Variants in ZPLD1 observed in about 807,000 individuals in gnomAD.
ZPLD1 encodes the protein zona pellucida like domain containing 1.
In ZPLD1, 34 loss-of-function variants were observed where a neutral mutation model predicts 47.2. The observed-to-expected ratio is 0.72, with a 90% CI of 0.55 to 0.96. The LOEUF (loss-of-function observed/expected upper bound fraction) is 0.96, where lower values mean the gene tolerates loss of function less well. ZPLD1 is among the 40% of genes least tolerant of loss of function. The pLI, the probability that ZPLD1 is intolerant of heterozygous loss-of-function variation, is 0.00. For synonymous variants in ZPLD1, 176 were observed against 186.2 expected (o/e 0.95, Z 0.45); for missense variants, 512 against 505.8 (o/e 1.01, Z -0.12).
intron 7 of ZPLD1, chr3:102,392,363 C>T (rs1334375693): frequency 1.3e-5 from 2 of 152,198 alleles, no homozygotes; most frequent in African/African-American, 4.8e-5. Context: ...TCATTTCTTA[C>T]TGTTCTGGAG....
intron 4 of ZPLD1, among the ~76,000 whole-genome samples, chr3:102,454,725 G>A (rs917695551): frequency 2.0e-5 from 3 of 152,136 alleles, no homozygotes; most frequent in East Asian, 1.9e-4. Context: ...GCATGGTGGC[G>A]TGTGCCTCTA....
At chr3:102,399,360 A>G (rs1706593932) in intron 7 of ZPLD1, among the ~76,000 whole-genome samples, 1 of 152,026 alleles carries the variant, frequency 6.6e-6, no homozygotes, top group African/African-American at 2.4e-5. Context: ...ATCGCCTCTC[A>G]TTCCTTATCC....
intron 10 of ZPLD1, among the ~76,000 whole-genome samples, chr3:102,473,812 C>T (rs1190379576): frequency 6.6e-6 from 1 of 152,106 alleles, no homozygotes; most frequent in Non-Finnish European, 1.5e-5. Context: ...ACTTCATGAC[C>T]AGAACTACCT....
chr3:102,468,015 A>G (rs1194192740), intron 8 of ZPLD1, among the ~76,000 whole-genome samples: 1 of 152,124 alleles, frequency 6.6e-6, no homozygotes, highest in African/African-American at 2.4e-5. Context: ...TGATCAAAAG[A>G]CACAAACCAT....
At chr3:102,398,362 G>A (rs1272956450) in intron 7 of ZPLD1, among the ~76,000 whole-genome samples, 4 of 152,122 alleles carry the variant, frequency 2.6e-5, no homozygotes, top group Non-Finnish European at 5.9e-5. Flanking sequence ...ATCAGGAAGT[G>A]TGAGTTCCAG....
At chr3:102,454,562 T>C (rs1277641428) in intron 4 of ZPLD1, among the ~76,000 whole-genome samples, 1 of 152,172 alleles carries the variant, frequency 6.6e-6, no homozygotes, top group Non-Finnish European at 1.5e-5. Context: ...AAGTCCGCTA[T>C]AAAAATTGCT....
At chr3:102,387,427 C>A (rs1706435628) in intron 6 of ZPLD1, among the ~76,000 whole-genome samples, 1 of 152,154 alleles carries the variant, frequency 6.6e-6, no homozygotes, top group African/African-American at 2.4e-5. Flanking sequence ...TTCTTCACCT[C>A]TTTTGTATTC....
At chr3:102,394,388 G>T (rs1318663452) in intron 7 of ZPLD1, among the ~76,000 whole-genome samples, 2 of 152,106 alleles carry the variant, frequency 1.3e-5, no homozygotes, top group Non-Finnish European at 2.9e-5. Context: ...ACTGTTAAGT[G>T]TTATGCCTTA....
Position 102,474,774 on chromosome 3 carries a change from T to C in ZPLD1, c.1043-2238T>C, listed in dbSNP as rs897975450. Among the ~76,000 whole-genome samples, 4 of 152,182 alleles carry C rather than the reference T, an allele frequency of 2.6e-5. No homozygotes were observed. In the East Asian group the frequency reaches 5.8e-4, roughly 22 times the overall value. On this transcript the variant is annotated intron_variant, in intron 10 of 11. Transcript: ENST00000466937. ...CATTGCTGCTATCACCTTTCTCCTATAGGCTTTCAAATAGATAAATATACT... is the reference window on the plus strand; with the variant it reads ...CATTGCTGCTATCACCTTTCTCCTACAGGCTTTCAAATAGATAAATATACT...
intron 7 of ZPLD1, among the ~76,000 whole-genome samples, chr3:102,406,534 C>T (rs1706687382): frequency 6.6e-6 from 1 of 151,894 alleles, no homozygotes; most frequent in Non-Finnish European, 1.5e-5. Context: ...CATTTATATA[C>T]AAGTTTTTAG....
At chr3:102,436,996 C>A in intron 2 of ZPLD1, 23 bp downstream of exon 2, 1 of 927,738 alleles carries the variant, frequency 1.1e-6, no homozygotes, top group South Asian at 5.0e-5. Context: ...GAGTGTATTG[C>A]TTATTCAGGC....
rs537019868 is a variant in ZPLD1 at position 102,478,981 on chromosome 3, G to A, written c.*1363G>A. On this transcript the variant is annotated 3_prime_UTR_variant, in exon 12 of 12. Coordinates refer to ENST00000466937, the MANE Select transcript of ZPLD1 (RefSeq NM_001329788.2). ...TACTATACTGCATGCAAATCATCAA[G>A]CAATTGCTTCAAAGGAAATGTCTAC... is the stretch of plus-strand genomic sequence containing the variant. 2.6e-5 allele frequency: 4 copies of A among 152,202 alleles called. No homozygotes were observed. In the South Asian group the frequency reaches 8.3e-4, roughly 32 times the overall value. The allele number at this position is 152,202 out of a possible 1,614,324, so 9.4% of individuals were successfully genotyped here.
Position 102,456,356 on chromosome 3 carries a change from A to G in ZPLD1, c.491A>G (p.Asn164Ser), listed in dbSNP as rs766737011. Residue 164 changes from asparagine to serine, a missense_variant, in exon 5 of 12, where the codon AAT (asparagine) becomes AGT (serine). Physicochemically the swap from Asn to Ser is conservative, Grantham distance 46 (BLOSUM62 1). Coordinates refer to ENST00000466937, the MANE Select transcript of ZPLD1 (RefSeq NM_001329788.2). ...AGTTATCCATTGGAATACCTGGTTA[A>G]TAATACCCAGCTTGCTTCGTAAGTT... The part of the protein sequence containing the change: ...SCSYPLEYLV[N>S]NTQLASSSAA... 6.2e-7 allele frequency: 1 copy of G among 1,611,636 alleles called. No individual in the cohort carries two copies. The highest frequency in any genetic ancestry group is 1.7e-4 in the Middle Eastern group (1 of 6,054).
intron 1 of ZPLD1, among the ~76,000 whole-genome samples, chr3:102,435,494 T>C (rs1707075549): frequency 1.3e-5 from 2 of 152,224 alleles, no homozygotes; most frequent in Non-Finnish European, 2.9e-5. Context: ...ATTGTTTTCC[T>C]GCATTGGATG....
chr3:102,474,997 T>C (rs1707737070), intron 10 of ZPLD1, among the ~76,000 whole-genome samples: 1 of 152,052 alleles, frequency 6.6e-6, no homozygotes, highest in African/African-American at 2.4e-5. Flanking sequence ...TTTGTTTGTT[T>C]GTTTTCTTTG....
chr3:102,439,070 C>T (rs1707135280), intron 3 of ZPLD1, among the ~76,000 whole-genome samples: 1 of 152,166 alleles, frequency 6.6e-6, no homozygotes, highest in South Asian at 2.1e-4. Flanking sequence ...AACCCATCAA[C>T]GTTGTGACAA....
At chr3:102,438,317 A>G (rs77811581) in intron 2 of ZPLD1, among the ~76,000 whole-genome samples, 163 bp from the exon 3 acceptor site, 9,401 of 152,262 alleles carry the variant, frequency 0.062, 877 homozygotes, top group African/African-American at 0.2. Context: ...TAACCCAAAT[A>G]TCTGCCTTTA....
At chr3:102,460,593 T>C (rs1707491195) in intron 6 of ZPLD1, among the ~76,000 whole-genome samples, 1 of 151,970 alleles carries the variant, frequency 6.6e-6, no homozygotes, top group African/African-American at 2.4e-5. Flanking sequence ...AATAAGGTTA[T>C]TATAATTATG....
intron 7 of ZPLD1, among the ~76,000 whole-genome samples, chr3:102,411,138 G>A (rs192332116): frequency 1.3e-5 from 2 of 151,610 alleles, no homozygotes; most frequent in African/African-American, 4.8e-5. Flanking sequence ...AACACGAAGT[G>A]GTTTCAAAAG....
Sources: gnomAD v4.1 joint callset for allele counts (sites outside exome capture counted in the v4.1 genomes callset) on GRCh38, gnomAD v4.1.1 for gene constraint, MANE v1.5 for transcripts, NCBI Gene and HGNC (gene_info 2026-07-23, HGNC 2026-07-21) for gene names.